Variants in SPIDR observed in about 807,000 individuals in gnomAD.
SPIDR encodes the protein DNA repair-scaffolding protein.
A neutral mutation model predicts 104.6 loss-of-function variants in SPIDR; 93 were observed. That is an observed-to-expected ratio of 0.89 (90% CI 0.75 to 1.06). The LOEUF (loss-of-function observed/expected upper bound fraction) is 1.06. Ranked by LOEUF, SPIDR falls within the 50% of genes least tolerant of loss-of-function variation. The pLI is 0.00. For missense variants in SPIDR, 1,154 were observed against 1,111.2 expected (o/e 1.04, Z -0.55); for synonymous variants, 431 against 416.9 (o/e 1.03, Z -0.41).
intron 8 of SPIDR, among the ~76,000 whole-genome samples, chr8:47,565,994 T>TATATATATATATATATATATA (rs1358462620): frequency 3.9e-5 from 1 of 25,962 alleles, no homozygotes; most frequent in Non-Finnish European, 9.2e-5. Context: ...ATATATATAT[T>TATATATATATATATATATATA]TTTTTTTTTT....
chr8:47,606,390 G>C (rs185352722), intron 10 of SPIDR, among the ~76,000 whole-genome samples: 137 of 152,152 alleles, frequency 9.0e-4, no homozygotes, highest in African/African-American at 3.2e-3. Flanking sequence ...GCTGGGCGTG[G>C]TGGTGGGCAC....
chr8:47,575,197 A>T, intron 8 of SPIDR, among the ~76,000 whole-genome samples: 1 of 151,950 alleles, frequency 6.6e-6, no homozygotes, highest in East Asian at 1.9e-4. Context: ...TTTGTTTCTA[A>T]GTGTCTTGTT....
At chr8:47,655,757 T>C (rs933367821) in intron 10 of SPIDR, among the ~76,000 whole-genome samples, 5 of 152,228 alleles carry the variant, frequency 3.3e-5, no homozygotes, top group African/African-American at 1.2e-4. Context: ...ATTTTGGCTT[T>C]TGTTGCCATT....
intron 5 of SPIDR, among the ~76,000 whole-genome samples, chr8:47,328,818 G>A (rs1289728158): frequency 2.0e-5 from 3 of 151,410 alleles, no homozygotes; most frequent in South Asian, 4.2e-4. Flanking sequence ...ATGTTTCAGG[G>A]TTTTTTTTCT....
At chr8:47,578,750 T>A (rs1383223027) in intron 8 of SPIDR, among the ~76,000 whole-genome samples, 1 of 152,194 alleles carries the variant, frequency 6.6e-6, no homozygotes, top group East Asian at 1.9e-4. Flanking sequence ...ATATAAAATA[T>A]GGTCTGTTCC....
intron 10 of SPIDR, among the ~76,000 whole-genome samples, chr8:47,614,368 T>C (rs774430414): frequency 1.3e-5 from 2 of 152,130 alleles, no homozygotes; most frequent in Non-Finnish European, 2.9e-5. Context: ...ACTACAGACG[T>C]GCACCACAAT....
intron 5 of SPIDR, among the ~76,000 whole-genome samples, chr8:47,346,052 G>A (rs979974523): frequency 6.6e-6 from 1 of 152,318 alleles, no homozygotes; most frequent in East Asian, 1.9e-4. Flanking sequence ...AGTTTTCAAA[G>A]GGAATGCTTC....
chr8:47,517,934 A>G (rs2083412308), intron 8 of SPIDR, among the ~76,000 whole-genome samples: 1 of 152,216 alleles, frequency 6.6e-6, no homozygotes, highest in Non-Finnish European at 1.5e-5. Context: ...ATATTCCTAT[A>G]CATCATAAGA....
chr8:47,551,242 G>A (rs908309935), intron 8 of SPIDR, among the ~76,000 whole-genome samples: 1 of 152,092 alleles, frequency 6.6e-6, no homozygotes, highest in Non-Finnish European at 1.5e-5. Flanking sequence ...CTTTTTTGTT[G>A]TGTCTCTGCC....
chr8:47,691,819 C>A (rs941135001), intron 11 of SPIDR, among the ~76,000 whole-genome samples: 1 of 152,132 alleles, frequency 6.6e-6, no homozygotes, highest in Admixed American at 6.5e-5. Flanking sequence ...ATTAGTATTC[C>A]GCTAGCTTGA....
intron 7 of SPIDR, among the ~76,000 whole-genome samples, chr8:47,410,638 C>A (rs545321214): frequency 7.5e-4 from 114 of 151,832 alleles, no homozygotes; most frequent in South Asian, 3.7e-3. Flanking sequence ...TTTGCCTGGT[C>A]TTATTATTTA....
intron 10 of SPIDR, among the ~76,000 whole-genome samples, chr8:47,616,905 G>T (rs1375884458): frequency 6.6e-6 from 1 of 152,190 alleles, no homozygotes; most frequent in African/African-American, 2.4e-5. Flanking sequence ...ATTCGTGATA[G>T]CACATTACAT....
At chr8:47,486,473 C>A (rs1586535501) in intron 8 of SPIDR, among the ~76,000 whole-genome samples, 1 of 152,104 alleles carries the variant, frequency 6.6e-6, no homozygotes, top group Non-Finnish European at 1.5e-5. Context: ...TGAGGCAGAC[C>A]AACATTCAAA....
chr8:47,485,466 A>C (rs1554730372), intron 8 of SPIDR, among the ~76,000 whole-genome samples: 1 of 152,234 alleles, frequency 6.6e-6, no homozygotes, highest in Non-Finnish European at 1.5e-5. Context: ...AAACCTCTGC[A>C]GACTTAAATG....
chr8:47,604,906 T>C (rs1049493746), intron 10 of SPIDR, among the ~76,000 whole-genome samples: 4 of 152,218 alleles, frequency 2.6e-5, no homozygotes, highest in African/African-American at 9.6e-5. Flanking sequence ...GCTCTCAGCC[T>C]ATGTCTGGTC....
rs782273949 is a variant in SPIDR at position 47,440,422 on chromosome 8, C to T, written c.977C>T (p.Thr326Ile). The stretch of plus-strand genomic sequence containing the variant: ...GAGCAGTTATTGGGGTCACCAGCCA[C>T]CAGCTCCTCCCAAAGTGTGGCTCCC... ...MCEQLLGSPA[T>I]SSSQSVAPRP... Residue 326 changes from threonine (T) to isoleucine (I), a missense_variant, in exon 8 of 20, where the codon ACC (threonine) becomes ATC (isoleucine). Coordinates refer to ENST00000297423, the MANE Select transcript of SPIDR (RefSeq NM_001080394.4). 1.1e-5 allele frequency: 18 copies of T among 1,614,122 alleles called. No homozygotes were observed. Among genetic ancestry groups the T allele is most frequent in the Non-Finnish European group, 1.5e-5 (18 of 1,180,050 alleles).
chr8:47,465,906 G>A (rs529866732), intron 8 of SPIDR, among the ~76,000 whole-genome samples: 2 of 152,066 alleles, frequency 1.3e-5, no homozygotes, highest in South Asian at 2.1e-4. Context: ...CTAAACCGAC[G>A]AAGATCAAAA....
chr8:47,729,032 C>G lies in SPIDR; in HGVS notation c.2535C>G (p.Cys845Trp). The G allele has an allele frequency of 6.2e-7, 1 of 1,613,990 alleles. No homozygotes were observed. The highest frequency in any genetic ancestry group is 8.5e-7 in the Non-Finnish European group (1 of 1,180,026). The change falls in exon 18 of 20, where the codon TGC (cysteine) becomes TGG (tryptophan). Residue 845 changes from cysteine to tryptophan, a missense_variant. By Grantham distance (215) the Cys-to-Trp change is radical. Transcript: ENST00000297423. Reference protein sequence around the residue: ...VFLDCRSRPQCRVKVKLLQRS... With the variant: ...VFLDCRSRPQWRVKVKLLQRS... ...TGGACTGCCGCTCAAGACCGCAGTG[C>G]AGAGTGAAGGTCAAGGTAGGAGCCA...
chr8:47,726,336 G>C (rs73571469), intron 16 of SPIDR, among the ~76,000 whole-genome samples: 2,170 of 152,282 alleles, frequency 0.014, 49 homozygotes, highest in African/African-American at 0.05. Flanking sequence ...GCTGGTTTTA[G>C]TGAGGAATGA....
Sources: gnomAD v4.1 joint callset for allele counts (sites outside exome capture counted in the v4.1 genomes callset) on GRCh38, gnomAD v4.1.1 for gene constraint, MANE v1.5 for transcripts, NCBI Gene and HGNC (gene_info 2026-07-23, HGNC 2026-07-21) for gene names.